The following XKR6 variants were observed in gnomAD, a reference collection of about 807,000 sequenced individuals.
XKR6 encodes the protein XK-related protein 6.
In XKR6, 22 loss-of-function variants were observed where a neutral mutation model predicts 56.7. The ratio of observed to expected loss-of-function variants is 0.39; its 90% confidence interval spans 0.28 to 0.55. The LOEUF is 0.55. XKR6 is among the 20% of genes least tolerant of loss of function. The pLI is 0.66. For missense variants in XKR6, 852 were observed against 889.0 expected (o/e 0.96, Z 0.53); for synonymous variants, 524 against 387.8 (o/e 1.35, Z -4.13).
intron 1 of XKR6, among the ~76,000 whole-genome samples, chr8:10,951,374 T>C (rs1381670079): frequency 6.7e-6 from 1 of 148,742 alleles, no homozygotes; most frequent in Non-Finnish European, 1.5e-5. Flanking sequence ...GACGCATGGG[T>C]AACAGCCAGG....
intron 1 of XKR6, among the ~76,000 whole-genome samples, chr8:10,981,828 G>T (rs1005132281): frequency 2.6e-5 from 4 of 152,204 alleles, no homozygotes; most frequent in African/African-American, 9.6e-5. Context: ...ACCATTTTGT[G>T]GTTAAGTAGA....
chr8:11,189,796 A>T (rs1803455201), intron 1 of XKR6, among the ~76,000 whole-genome samples: 2 of 152,220 alleles, frequency 1.3e-5, no homozygotes, highest in Non-Finnish European at 2.9e-5. Flanking sequence ...CTTGGATTAC[A>T]GTCTCTTATG....
intron 1 of XKR6, 37 bp from the exon 2 acceptor site, chr8:10,924,867 G>C: frequency 6.3e-7 from 1 of 1,590,616 alleles, no homozygotes; most frequent in Non-Finnish European, 8.6e-7. Context: ...GAGAGCATGG[G>C]TGGGTGCAGG....
intron 1 of XKR6, among the ~76,000 whole-genome samples, chr8:11,162,888 T>G (rs1801887248): frequency 6.6e-6 from 1 of 152,170 alleles, no homozygotes; most frequent in Non-Finnish European, 1.5e-5. Context: ...AAGGTAAGAG[T>G]GTTTTAGGAG....
Position 11,049,721 on chromosome 8 carries a change from C to A in XKR6, c.765-124891G>T, listed in dbSNP as rs533242456. On this transcript the variant is annotated intron_variant, in intron 1 of 2. Coordinates refer to ENST00000416569, the MANE Select transcript of XKR6 (RefSeq NM_173683.4). ...ACTGGAAACACCTGGCTGATAAAAA[C>A]CAAAAACATTCTCTCAATGATGGGT... Among the ~76,000 whole-genome samples the A allele has an allele frequency of 1.8e-3, 268 of 152,246 alleles. 1 individual carries two copies. Among genetic ancestry groups the A allele is most frequent in the Admixed American group, 4.4e-3 (67 of 15,294 alleles).
chr8:11,077,397 C>T (rs891606882), intron 1 of XKR6, among the ~76,000 whole-genome samples: 9 of 152,244 alleles, frequency 5.9e-5, no homozygotes, highest in African/African-American at 2.2e-4. Flanking sequence ...AGCCCTGGGG[C>T]GCTCTGTGAG....
chr8:10,990,397 G>T lies in XKR6; in HGVS notation c.765-65567C>A, dbSNP rs559807670. Among the ~76,000 whole-genome samples, 17 of 152,276 alleles carry T rather than the reference G, an allele frequency of 1.1e-4. 1 individual carries two copies. The South Asian group carries it at 1.7e-3, about 15-fold the overall frequency. On this transcript the variant is annotated intron_variant, in intron 1 of 2. Transcript: ENST00000416569. ...CCATGGTCACAACCCATCGTGGCTG[G>T]GAGATTTTAAGACTGTGGAACTGCT...
At chr8:11,120,526 G>A (rs1799398029) in intron 1 of XKR6, among the ~76,000 whole-genome samples, 2 of 152,056 alleles carry the variant, frequency 1.3e-5, no homozygotes, top group African/African-American at 2.4e-5. Flanking sequence ...ACTGCTCAAC[G>A]AAATAAAAGA....
intron 1 of XKR6, chr8:11,108,804 T>G (rs140598473): frequency 0.012 from 1,968 of 167,172 alleles, 40 homozygotes; most frequent in African/African-American, 0.046. Flanking sequence ...TGGGGCTTCC[T>G]GACACATGAC....
chr8:11,094,405 G>C (rs1798202816), intron 1 of XKR6, among the ~76,000 whole-genome samples: 3 of 151,684 alleles, frequency 2.0e-5, no homozygotes, highest in Admixed American at 1.3e-4. Flanking sequence ...GACCAGACTG[G>C]TCTGAAACCC....
intron 1 of XKR6, among the ~76,000 whole-genome samples, chr8:11,197,107 G>T (rs943841646): frequency 1.3e-5 from 2 of 152,128 alleles, no homozygotes; most frequent in African/African-American, 2.4e-5. Flanking sequence ...CTCTCCTGAA[G>T]GCAACCCTCT....
intron 1 of XKR6, among the ~76,000 whole-genome samples, chr8:11,026,189 C>A (rs1050572532): frequency 2.6e-5 from 4 of 152,068 alleles, no homozygotes; most frequent in African/African-American, 9.7e-5. Flanking sequence ...CTACTACACA[C>A]CTAGATGGTC....
intron 1 of XKR6, among the ~76,000 whole-genome samples, chr8:10,973,938 T>C (rs1802479020): frequency 6.6e-6 from 1 of 152,246 alleles, no homozygotes; most frequent in Non-Finnish European, 1.5e-5. Flanking sequence ...CATAGATACT[T>C]TCTAAATGAC....
chr8:11,102,663 T>G (rs529236671), intron 1 of XKR6, among the ~76,000 whole-genome samples: 2 of 152,162 alleles, frequency 1.3e-5, no homozygotes, highest in Admixed American at 6.5e-5. Context: ...TAAAACAGTT[T>G]CGTGCCACTG....
chr8:11,138,843 C>G (rs1800532767), intron 1 of XKR6, among the ~76,000 whole-genome samples: 1 of 151,406 alleles, frequency 6.6e-6, no homozygotes, highest in Non-Finnish European at 1.5e-5. Context: ...AACAGGCAAA[C>G]TATATAAAAC....
chr8:11,118,418 T>C (rs1217387066), intron 1 of XKR6, among the ~76,000 whole-genome samples: 1 of 152,204 alleles, frequency 6.6e-6, no homozygotes, highest in East Asian at 1.9e-4. Context: ...GTAGAATTCA[T>C]CTGTGAAACC....
intron 1 of XKR6, among the ~76,000 whole-genome samples, chr8:10,927,830 C>A (rs1488025243): frequency 6.6e-6 from 1 of 152,092 alleles, no homozygotes; most frequent in East Asian, 1.9e-4. Flanking sequence ...CCTCCCTGAG[C>A]CAATTAGCAA....
At chr8:11,124,319 C>T in intron 1 of XKR6, 1 of 323,800 alleles carries the variant, frequency 3.1e-6, no homozygotes, top group East Asian at 7.9e-5. Flanking sequence ...TTCTACTGGA[C>T]TCTTGAGATC....
chr8:10,954,866 C>CCTTTTTTTTTTTTTTTTTTTTTTTTTT (rs1554515116), intron 1 of XKR6, among the ~76,000 whole-genome samples: 1 of 92,794 alleles, frequency 1.1e-5, no homozygotes, highest in Non-Finnish European at 2.2e-5. Context: ...ACTTCATTCT[C>CCTTTTTTTTTTTTTTTTTTTTTTTTTT]TTTTTTTTTT....
Sources: gnomAD v4.1 joint callset for allele counts (sites outside exome capture counted in the v4.1 genomes callset) on GRCh38, gnomAD v4.1.1 for gene constraint, MANE v1.5 for transcripts, NCBI Gene and HGNC (gene_info 2026-07-23, HGNC 2026-07-21) for gene names.